UBE2R2: variants seen among roughly 807,000 people sequenced by gnomAD.
UBE2R2 encodes the protein ubiquitin-conjugating enzyme E2 R2.
UBE2R2 carries 1 observed loss-of-function variant against 27.8 expected under a neutral mutation model. The observed-to-expected ratio is 0.04, with a 90% confidence interval of 0.01 to 0.17. The LOEUF (loss-of-function observed/expected upper bound fraction) is 0.17. UBE2R2 is among the 10% of genes least tolerant of loss of function. The pLI, the probability that UBE2R2 is intolerant of heterozygous loss-of-function variation, is 1.00. For missense variants in UBE2R2, 100 were observed against 291.0 expected (o/e 0.34, Z 4.78); for synonymous variants, 106 against 113.3 (o/e 0.94, Z 0.41).
intron 1 of UBE2R2, among the ~76,000 whole-genome samples, chr9:33,880,132 C>T (rs1482002776): frequency 2.0e-5 from 3 of 151,952 alleles, no homozygotes; most frequent in Admixed American, 6.6e-5. Context: ...GGAATCCACC[C>T]GCCTCGGCCT....
In UBE2R2 at chr9:33,917,063, G is replaced by A; in HGVS notation, c.543G>A (p.Val181=). Residue 181 remains valine, a synonymous_variant, in exon 5 of 5, where the codon GTG becomes GTA. Transcript: ENST00000263228. The part of the protein sequence containing the change: ...ATKAEAEKDG[V]KVPTTLAEYC... ...AGGCCGAAGCAGAAAAGGATGGAGT[G>A]AAGGTCCCCACAACCCTGGCGGAAT... The A allele has an allele frequency of 6.2e-7, 1 of 1,614,246 alleles. No individual in the cohort carries two copies. The highest frequency in any genetic ancestry group is 1.1e-5 in the South Asian group (1 of 91,084).
chr9:33,878,075 A>G (rs541914351), intron 1 of UBE2R2, among the ~76,000 whole-genome samples: 6 of 152,150 alleles, frequency 3.9e-5, no homozygotes, highest in Non-Finnish European at 7.3e-5. Context: ...ATATTTTTAT[A>G]TCTTTTATTT....
At chr9:33,818,532 A>T (rs1466459470) in intron 1 of UBE2R2, 6 of 71,942 alleles carry the variant, frequency 8.3e-5, no homozygotes, top group South Asian at 5.7e-4. Context: ...GGGGTGGTAA[A>T]AAAAAAAAAA....
intron 4 of UBE2R2, among the ~76,000 whole-genome samples, chr9:33,916,757 G>A (rs188040177): frequency 3.0e-4 from 46 of 152,280 alleles, no homozygotes; most frequent in African/African-American, 1.1e-3. Context: ...AGGTGATTCT[G>A]GCTATAATTG....
In UBE2R2 at chr9:33,919,601, TG is replaced by T. The variant is rs113087956; in HGVS notation, c.*2367del. On this transcript the variant is annotated 3_prime_UTR_variant, in exon 5 of 5. Transcript: ENST00000263228. ...ATGAGTACAATCAGTTCCAGAAGAC[TG>T]GGTAAGTCTCTTGCTAGCAGGTGGA... The T allele has an allele frequency of 0.19, 29,204 of 152,072 alleles. 3,083 individuals are homozygous for T. The highest frequency in any genetic ancestry group is 0.33 in the South Asian group (1,597 of 4,818). 9.4% of individuals were successfully genotyped at this position (152,072 alleles called of 1,614,324 possible).
intron 1 of UBE2R2, among the ~76,000 whole-genome samples, chr9:33,843,042 CTTTTTTTTTTTTTT>C (rs71506139): frequency 0.091 from 9,621 of 105,432 alleles, 550 homozygotes; most frequent in Middle Eastern, 0.14. Context: ...AAACAGACCA[CTTTTTTTTTTTTTT>C]TTTTTTTTTA....
At chr9:33,870,360 C>T (rs1287673433) in intron 1 of UBE2R2, among the ~76,000 whole-genome samples, 1 of 152,158 alleles carries the variant, frequency 6.6e-6, no homozygotes, top group Non-Finnish European at 1.5e-5. Context: ...CCAGGCTGGT[C>T]TCGAACTCCT....
At chr9:33,859,883 T>C (rs1821191311) in intron 1 of UBE2R2, among the ~76,000 whole-genome samples, 1 of 151,390 alleles carries the variant, frequency 6.6e-6, no homozygotes, top group African/African-American at 2.4e-5. Context: ...CAGGGCTCAC[T>C]ACAGCTTCAA....
chr9:33,843,898 A>C (rs1158305356), intron 1 of UBE2R2, among the ~76,000 whole-genome samples: 1 of 152,236 alleles, frequency 6.6e-6, no homozygotes, highest in East Asian at 1.9e-4. Flanking sequence ...TAAGTTTTGT[A>C]CATAAGTGCT....
intron 1 of UBE2R2, among the ~76,000 whole-genome samples, chr9:33,885,126 C>T (rs930822283): frequency 1.3e-5 from 2 of 152,146 alleles, no homozygotes; most frequent in Admixed American, 1.3e-4. Context: ...TTCAGACAGG[C>T]ATTTGCAAAC....
chr9:33,893,616 A>G (rs979620289), intron 2 of UBE2R2, among the ~76,000 whole-genome samples: 8 of 152,028 alleles, frequency 5.3e-5, no homozygotes, highest in South Asian at 2.1e-4. Flanking sequence ...TGGGAATTCT[A>G]TGTTTAACTT....
At chr9:33,873,628 C>A (rs1020276895) in intron 1 of UBE2R2, among the ~76,000 whole-genome samples, 1 of 152,022 alleles carries the variant, frequency 6.6e-6, no homozygotes, top group African/African-American at 2.4e-5. Flanking sequence ...TGAAAAATAT[C>A]CTGTAATTTA....
intron 1 of UBE2R2, among the ~76,000 whole-genome samples, chr9:33,873,662 G>C (rs1165580888): frequency 6.6e-6 from 1 of 151,946 alleles, no homozygotes; most frequent in African/African-American, 2.4e-5. Flanking sequence ...TTGGGGAGGG[G>C]CCAGGTCTCG....
chr9:33,834,174 G>C (rs1191074148), intron 1 of UBE2R2, among the ~76,000 whole-genome samples: 1 of 150,828 alleles, frequency 6.6e-6, no homozygotes, highest in Non-Finnish European at 1.5e-5. Context: ...TAGGTGTAGT[G>C]ACGGATTCTT....
intron 1 of UBE2R2, among the ~76,000 whole-genome samples, chr9:33,885,728 T>C (rs543745033): frequency 2.0e-5 from 3 of 152,362 alleles, no homozygotes; most frequent in East Asian, 1.9e-4. Flanking sequence ...TCTTTAAATA[T>C]CTACTCCTTG....
At chr9:33,902,007 G>T (rs894865359) in intron 3 of UBE2R2, among the ~76,000 whole-genome samples, 1 of 150,424 alleles carries the variant, frequency 6.6e-6, no homozygotes, top group East Asian at 2.0e-4. Context: ...TCAACCTCCC[G>T]GGCTTGAGCA....
intron 1 of UBE2R2, among the ~76,000 whole-genome samples, chr9:33,869,361 G>A (rs1425651045): frequency 1.3e-5 from 2 of 151,610 alleles, no homozygotes; most frequent in Admixed American, 6.6e-5. Context: ...GCACATTGGG[G>A]GTTACCTAAA....
intron 1 of UBE2R2, among the ~76,000 whole-genome samples, chr9:33,866,314 C>G (rs1428049426): frequency 6.6e-6 from 1 of 151,806 alleles, no homozygotes; most frequent in Non-Finnish European, 1.5e-5. Context: ...TCTCAGCTCA[C>G]TGCAACCTCC....
chr9:33,894,157 T>C (rs1237615210), intron 2 of UBE2R2, among the ~76,000 whole-genome samples: 1 of 152,058 alleles, frequency 6.6e-6, no homozygotes, highest in Non-Finnish European at 1.5e-5. Flanking sequence ...AAAGGCTAGG[T>C]GCAGTGGCTC....
Sources: gnomAD v4.1 joint callset for allele counts (sites outside exome capture counted in the v4.1 genomes callset) on GRCh38, gnomAD v4.1.1 for gene constraint, MANE v1.5 for transcripts, NCBI Gene and HGNC (gene_info 2026-07-23, HGNC 2026-07-21) for gene names.